Variants in GALNS observed in about 807,000 individuals in gnomAD.
The protein encoded by GALNS is N-acetylgalactosamine-6-sulfatase.
GALNS carries 65 observed loss-of-function variants against 65.9 expected under a neutral mutation model. The observed-to-expected ratio is 0.99, with a 90% CI of 0.81 to 1.21. The LOEUF (loss-of-function observed/expected upper bound fraction) is 1.21, where lower values mean the gene tolerates loss of function less well. Among genes scored for constraint, GALNS ranks in the 50% most tolerant of loss-of-function variants. The pLI is 0.00. For synonymous variants in GALNS, 346 were observed against 288.9 expected, an observed-to-expected ratio of 1.20 and a Z score of -2.00; for missense variants, 776 against 700.7, an observed-to-expected ratio of 1.11 and a Z score of -1.21.
intron 9 of GALNS, among the ~76,000 whole-genome samples, chr16:88,828,275 A>G (rs1911133314): frequency 6.1e-5 from 1 of 16,296 alleles, no homozygotes. Context: ...TGGTGCCGGC[A>G]GGGCGGGCGG....
intron 1 of GALNS, chr16:88,855,657 A>C (rs1050406254): frequency 3.3e-6 from 2 of 600,050 alleles, no homozygotes; most frequent in Non-Finnish European, 5.9e-6. Flanking sequence ...CCATTAATTT[A>C]ATAAAATTGT....
chr16:88,826,082 G>A (rs1910862917), intron 10 of GALNS, among the ~76,000 whole-genome samples: 1 of 151,746 alleles, frequency 6.6e-6, no homozygotes, highest in African/African-American at 2.4e-5. Context: ...ATGGAAGGAA[G>A]AAGGAAGCTA....
chr16:88,846,139 G>A (rs1433058258), intron 1 of GALNS, among the ~76,000 whole-genome samples: 1 of 152,230 alleles, frequency 6.6e-6, no homozygotes, highest in Admixed American at 6.5e-5. Flanking sequence ...ATAAATCACA[G>A]TTCATCTGTG....
intron 8 of GALNS, among the ~76,000 whole-genome samples, chr16:88,834,635 C>CG (rs1491383824): frequency 1.5e-5 from 1 of 66,490 alleles, no homozygotes; most frequent in East Asian, 1.5e-3. Flanking sequence ...GGCTGCAGGG[C>CG]CCCCCCCCGC....
At chr16:88,842,034 A>C (rs930580982) in intron 2 of GALNS, 63 bp from the exon 3 acceptor site, 2 of 1,437,176 alleles carry the variant, frequency 1.4e-6, no homozygotes, top group Admixed American at 1.9e-5. Context: ...CCCGGGCGTC[A>C]ACAAGAGCCC....
chr16:88,850,370 C>T (rs1022482998), intron 1 of GALNS, among the ~76,000 whole-genome samples: 1 of 152,164 alleles, frequency 6.6e-6, no homozygotes, highest in African/African-American at 2.4e-5. Flanking sequence ...AGAGCTGCGT[C>T]CGGATCTGCT....
intron 11 of GALNS, among the ~76,000 whole-genome samples, chr16:88,822,913 CG>C (rs1180428891): frequency 6.6e-6 from 1 of 152,102 alleles, no homozygotes; most frequent in Non-Finnish European, 1.5e-5. Context: ...TGGTGCAGGG[CG>C]CTGGCTAAAC....
rs745523154 is a variant in GALNS, at chr16:88,832,102, C to G, written c.899-1G>C. 3.1e-6 allele frequency: 5 copies of G among 1,613,228 alleles called. No individual in the cohort carries two copies. Among genetic ancestry groups the G allele is most frequent in the African/African-American group, 1.3e-5 (1 of 74,866 alleles). On this transcript the variant is annotated splice_acceptor_variant, in intron 8 of 13. Transcript: ENST00000268695. LOFTEE classifies it high-confidence loss of function. The stretch of plus-strand genomic sequence containing the variant: ...CACAGAAAGGGGCCGTTGCTGCCAC[C>G]TGGGAGAGAGGGGCCCTTGTCAGGC...
rs368171136 is a variant in GALNS at position 88,822,581 on chromosome 16, C to A, written c.1364+8G>T. On this transcript the variant is annotated splice_region_variant and intron_variant, in intron 12 of 13. Coordinates refer to ENST00000268695, the MANE Select transcript of GALNS (RefSeq NM_000512.5). Reference sequence around the variant, plus strand: ...CCTCAGCAGCCAGGAGGCCCTGCACCGACTCACCTGAGGGGGAACCTCTCC... The same window carrying A: ...CCTCAGCAGCCAGGAGGCCCTGCACAGACTCACCTGAGGGGGAACCTCTCC... The A allele has an allele frequency of 6.2e-7, 1 of 1,612,114 alleles. No homozygotes were observed. The highest frequency in any genetic ancestry group is 1.1e-5 in the South Asian group (1 of 91,046).
In GALNS at chr16:88,837,669, C is replaced by T. The variant is rs1912280738; in HGVS notation, c.519G>A (p.Lys173=). The T allele has an allele frequency of 6.2e-7, 1 of 1,614,026 alleles. No homozygotes were observed. The highest frequency in any genetic ancestry group is 1.1e-5 in the South Asian group (1 of 91,074). The change falls in exon 5 of 14, where the codon AAG becomes AAA. Residue 173 remains lysine, a synonymous_variant. Coordinates refer to ENST00000268695, the MANE Select transcript of GALNS (RefSeq NM_000512.5). ...TGTACACAGGGATGTTGGGCCTGGC[C>T]TTGTTGTCATAAGGTCCAAAGTGGC... is the stretch of plus-strand genomic sequence containing the variant. ...PNCHFGPYDN[K]ARPNIPVYRD... is the part of the protein sequence containing the mutation.
chr16:88,835,406 A>T (rs2143001232), intron 7 of GALNS, 54 bp from the exon 8 acceptor site: 1 of 1,607,046 alleles, frequency 6.2e-7, no homozygotes, highest in Non-Finnish European at 8.5e-7. Flanking sequence ...TGACAAATGG[A>T]TCAGGCAGCC....
chr16:88,818,195 G>C lies in GALNS; in HGVS notation c.1365-71C>G, dbSNP rs1029786217. Reference sequence around the variant, plus strand: ...GGACGGAGAGGGGCTGGCCTGGACAGGCTGAGGCTGCAGAGCTCTAACGGG... The same window carrying C: ...GGACGGAGAGGGGCTGGCCTGGACACGCTGAGGCTGCAGAGCTCTAACGGG... On this transcript the variant is annotated intron_variant, in intron 12 of 13. Coordinates refer to ENST00000268695, the MANE Select transcript of GALNS (RefSeq NM_000512.5). The C allele has an allele frequency of 7.3e-6, 9 of 1,229,882 alleles. No homozygotes were observed. The East Asian group carries it at 2.2e-4, about 30-fold the overall frequency. The allele number at this position is 1,229,882 out of a possible 1,614,324, so 76.2% of individuals were successfully genotyped here.
At chr16:88,836,603 G>C (rs1012250604) in intron 5 of GALNS, among the ~76,000 whole-genome samples, 7 of 151,796 alleles carry the variant, frequency 4.6e-5, no homozygotes, top group Non-Finnish European at 7.4e-5. Context: ...GCAGTGAGCC[G>C]AGATCGCGCC....
In GALNS at chr16:88,818,144, G is replaced by A. The variant is rs1044328485; in HGVS notation, c.1365-20C>T. ...GCAAAGCTGGGGACAGAGAGCTCTG[G>A]TCACACGGCTGGGGCTGACAGCGAA... On this transcript the variant is annotated intron_variant, in intron 12 of 13. Coordinates refer to ENST00000268695, the MANE Select transcript of GALNS (RefSeq NM_000512.5). The A allele has an allele frequency of 7.1e-6, 11 of 1,557,862 alleles. No individual in the cohort carries two copies. In the African/African-American group the frequency reaches 1.1e-4, roughly 15 times the overall value.
chr16:88,816,368 C>T (rs893945980), intron 13 of GALNS: 1 of 985,294 alleles, frequency 1.0e-6, no homozygotes, highest in African/African-American at 1.7e-5. Context: ...CGGCTGGTGG[C>T]CCTGGGCTCC....
intron 3 of GALNS, 36 bp downstream of exon 3, chr16:88,841,861 C>A (rs768386851): frequency 6.3e-7 from 1 of 1,592,900 alleles, no homozygotes; most frequent in Non-Finnish European, 8.6e-7. Flanking sequence ...CAACCCTGCA[C>A]CCCAAGGGTG....
At chr16:88,853,070 G>T (rs571502853) in intron 1 of GALNS, among the ~76,000 whole-genome samples, 2 of 152,092 alleles carry the variant, frequency 1.3e-5, no homozygotes, top group East Asian at 3.9e-4. Context: ...GGCCAATATG[G>T]TGAAACCCCG....
At position 88,835,866 on chromosome 16, in the gene GALNS, ACCGTC is replaced by A; in HGVS notation, c.634-22_634-18del. 6.2e-7 allele frequency: 1 copy of A among 1,613,828 alleles called. No individual in the cohort carries two copies. The highest frequency in any genetic ancestry group is 1.1e-5 in the South Asian group (1 of 91,066). On this transcript the variant is annotated intron_variant, in intron 6 of 13. Transcript: ENST00000268695. ...CAGGGCTTCCTATGGAGAGAGCCACACCGTCGTCCTCCAGCCTCAGGCCGACCTCC... is the reference window on the plus strand; with the variant it reads ...CAGGGCTTCCTATGGAGAGAGCCACAGTCCTCCAGCCTCAGGCCGACCTCC...
chr16:88,815,916 T>C, intron 13 of GALNS: 4 of 985,382 alleles, frequency 4.1e-6, no homozygotes, highest in Non-Finnish European at 3.6e-6. Flanking sequence ...GGGGTCCAGG[T>C]GGCCACACTC....
Sources: gnomAD v4.1 joint callset for allele counts (sites outside exome capture counted in the v4.1 genomes callset) on GRCh38, gnomAD v4.1.1 for gene constraint, MANE v1.5 for transcripts, NCBI Gene and HGNC (gene_info 2026-07-23, HGNC 2026-07-21) for gene names.